The following KRTAP5-5 variants were observed in gnomAD, a reference collection of about 807,000 sequenced individuals.
KRTAP5-5 encodes the protein keratin-associated protein 5-5.
Under a neutral mutation model 2.8 loss-of-function variants are expected in KRTAP5-5, and 1 was observed. The ratio of observed to expected loss-of-function variants is 0.35; its 90% CI spans 0.13 to 1.67. The LOEUF is 1.67. Ranked by LOEUF, KRTAP5-5 falls within the 40% of genes most tolerant of loss-of-function variation. The pLI is 0.35. For missense variants in KRTAP5-5, 134 were observed against 270.9 expected (o/e 0.49, Z 3.55); for synonymous variants, 83 against 110.6 (o/e 0.75, Z 1.57).
exon 1 of KRTAP5-5, chr11:1,630,622 G>A: frequency 6.3e-7 from 1 of 1,592,876 alleles, no homozygotes. Context: ...CCTTGCCCTG[G>A]GTTCTCTGGT....
exon 1 of KRTAP5-5, chr11:1,629,942 CTGTGGGGGCTGTGGCTCCGGCTGTGGA>C (rs1849723242): frequency 7.0e-7 from 1 of 1,430,620 alleles, no homozygotes; most frequent in African/African-American, 1.4e-5. Flanking sequence ...GTGGCTCTGG[CTGTGGGGGCTGTGGCTCCGGCTGTGGA>C]GGCTGTGGGG....
chr11:1,630,506 C>G, exon 1 of KRTAP5-5: 1 of 1,614,034 alleles, frequency 6.2e-7, no homozygotes. Flanking sequence ...AGCCCTGCTG[C>G]TGCCAGTCCA....
chr11:1,630,246 AAGGGGG>A lies in KRTAP5-5; in HGVS notation c.407_412del (p.Lys136_Gly138delinsSer), dbSNP rs760118517. 4.0e-4 allele frequency: 251 copies of A among 634,796 alleles called. 3 individuals are homozygous for A. The African/African-American group carries it at 0.011, about 27-fold the overall frequency. 39.3% of individuals were successfully genotyped at this position (634,796 alleles called of 1,614,324 possible). ...GGGCTGTGGCTCCTGTGGGGGGTCC[AAGGGGG>A]GCTGTGGCTCCTGTGGGGGGTCCAA... is the stretch of plus-strand genomic sequence containing the variant. On this transcript the variant is annotated inframe_deletion, in exon 1 of 1. Coordinates refer to ENST00000399676, the Ensembl canonical transcript of KRTAP5-5.
exon 1 of KRTAP5-5, chr11:1,630,325 C>A (rs147101544): frequency 0.037 from 52,514 of 1,402,532 alleles, 3,619 homozygotes; most frequent in African/African-American, 0.072. Flanking sequence ...TGCTGCAAGC[C>A]CTGCTGCTGC....
At chr11:1,630,089 C>A (rs1312651468) in exon 1 of KRTAP5-5, 1 of 1,611,260 alleles carries the variant, frequency 6.2e-7, no homozygotes, top group East Asian at 2.2e-5. Context: ...CCTGCTCCAG[C>A]TGTGGCAAAG....
chr11:1,630,600 G>T (rs4752770), exon 1 of KRTAP5-5: 922,178 of 1,610,704 alleles, frequency 0.57, 266,664 homozygotes, highest in African/African-American at 0.68. Context: ...GAAGGGCCCG[G>T]CTGCCCAGCT....
exon 1 of KRTAP5-5, chr11:1,629,868 T>C (rs952944143): frequency 5.6e-6 from 9 of 1,608,980 alleles, no homozygotes; most frequent in Middle Eastern, 4.1e-4. Context: ...CTCCGGAGGC[T>C]GTGGCTCCGG....
At position 1,630,464 on chromosome 11, in the gene KRTAP5-5, T is replaced by TAGCTGCTTCTCA. The variant is rs756206513; in HGVS notation, c.624_625insAGCTGCTTCTCA (p.Cys208_Gly209insSerCysPheSer). The TAGCTGCTTCTCA allele has an allele frequency of 3.1e-6, 5 of 1,590,288 alleles. No homozygotes were observed. In the South Asian group the frequency reaches 5.7e-5, roughly 18 times the overall value. ...AGCCCTGTAGCTGCTTCTCAGGCTG[T>TAGCTGCTTCTCA]GGATCATCCTGCTGCCAATCCAGCT... On this transcript the variant is annotated inframe_insertion, in exon 1 of 1. Transcript: ENST00000399676.
At chr11:1,629,776 G>T in exon 1 of KRTAP5-5, 1 of 1,610,424 alleles carries the variant, frequency 6.2e-7, no homozygotes, top group Non-Finnish European at 8.5e-7. Context: ...GGCTCAGGGG[G>T]CTCCACACCT....
At chr11:1,629,797 C>A in exon 1 of KRTAP5-5, 2 of 1,611,236 alleles carry the variant, frequency 1.2e-6, no homozygotes, top group Non-Finnish European at 1.7e-6. Context: ...GCACCTCCCT[C>A]TCACCTGCTC....
exon 1 of KRTAP5-5, chr11:1,630,390 T>C (rs746644909): frequency 3.0e-6 from 2 of 657,786 alleles, no homozygotes; most frequent in Non-Finnish European, 3.9e-6. Context: ...GCCTTACTGC[T>C]GCCAGTCCAG....
chr11:1,630,572 G>T (rs1348922637), exon 1 of KRTAP5-5: 2 of 1,610,196 alleles, frequency 1.2e-6, no homozygotes, highest in African/African-American at 2.7e-5. Flanking sequence ...ACTGCAGACT[G>T]CAGGTGGCCT....
At position 1,629,999 on chromosome 11, in the gene KRTAP5-5, G is replaced by GTGGCTCCGGCTGTGGAGGCCTTGGCTCC. The variant is rs1849727864; in HGVS notation, c.159_160insTGGCTCCGGCTGTGGAGGCCTTGGCTCC (p.Gly54TrpfsTer136). On this transcript the variant is annotated frameshift_variant, in exon 1 of 1. Coordinates refer to ENST00000399676, the Ensembl canonical transcript of KRTAP5-5. LOFTEE classifies it low-confidence loss of function (END_TRUNC). Reference sequence around the variant, plus strand: ...GTGGGGGCTGTGGCTCCGGCTGTGCGGGCTGTGGGGGATGTGGCTCCGGCT... The same window carrying GTGGCTCCGGCTGTGGAGGCCTTGGCTCC: ...GTGGGGGCTGTGGCTCCGGCTGTGCGTGGCTCCGGCTGTGGAGGCCTTGGCTCCGGCTGTGGGGGATGTGGCTCCGGCT... 7.9e-7 allele frequency: 1 copy of GTGGCTCCGGCTGTGGAGGCCTTGGCTCC among 1,266,010 alleles called. No homozygotes were observed. Among genetic ancestry groups the GTGGCTCCGGCTGTGGAGGCCTTGGCTCC allele is most frequent in the African/African-American group, 2.5e-5 (1 of 40,408 alleles). The allele number at this position is 1,266,010 out of a possible 1,614,324, so 78.4% of individuals were successfully genotyped here.
exon 1 of KRTAP5-5, chr11:1,630,151 T>A (rs79933019): frequency 1.3e-6 from 2 of 1,530,034 alleles, no homozygotes; most frequent in African/African-American, 3.3e-5. Context: ...TCCTGTGGGG[T>A]GTCCAAGGGG....
chr11:1,629,933 T>G (rs1849722191), exon 1 of KRTAP5-5: 1 of 1,496,006 alleles, frequency 6.7e-7, no homozygotes. Flanking sequence ...GTGGAGGCTG[T>G]GGCTCTGGCT....
At position 1,630,469 on chromosome 11, in the gene KRTAP5-5, C is replaced by G. The variant is rs2133536933; in HGVS notation, c.629C>G (p.Ser210Ter). Residue 210 changes from serine (S) to a stop codon, truncating the protein, a stop_gained, in exon 1 of 1, where the codon TCA becomes TGA. Coordinates refer to ENST00000399676, the Ensembl canonical transcript of KRTAP5-5. LOFTEE classifies it high-confidence loss of function. ...TGTAGCTGCTTCTCAGGCTGTGGAT[C>G]ATCCTGCTGCCAATCCAGCTGCTAC... 6.3e-7 allele frequency: 1 copy of G among 1,599,646 alleles called. No individual in the cohort carries two copies. The highest frequency in any genetic ancestry group is 2.3e-5 in the East Asian group (1 of 43,564).
At chr11:1,630,535 G>A in exon 1 of KRTAP5-5, 1 of 1,614,100 alleles carries the variant, frequency 6.2e-7, no homozygotes, top group Non-Finnish European at 8.5e-7. Context: ...GTCCCCGTGT[G>A]CTGCCAGTGT....
exon 1 of KRTAP5-5, chr11:1,630,320 C>T (rs61867582): frequency 0.43 from 326,976 of 763,772 alleles, 95,103 homozygotes; most frequent in African/African-American, 0.58. Context: ...CCAGCTGCTG[C>T]AAGCCCTGCT....
At chr11:1,630,635 T>G in exon 1 of KRTAP5-5, 1 of 1,537,722 alleles carries the variant, frequency 6.5e-7, no homozygotes, top group Non-Finnish European at 8.9e-7. Context: ...TCTCTGGTGC[T>G]CCACTGTCTC....
Sources: allele counts gnomAD v4.1 joint callset, GRCh38; gene constraint gnomAD v4.1.1; transcripts MANE v1.5; gene names NCBI Gene and HGNC (gene_info 2026-07-23, HGNC 2026-07-21).